CREB1: variants seen among roughly 807,000 people sequenced by gnomAD.
The protein encoded by CREB1 is cyclic AMP-responsive element-binding protein 1.
Under a neutral mutation model 42.0 loss-of-function variants are expected in CREB1, and 2 were observed. The observed-to-expected ratio is 0.05, with a 90% confidence interval of 0.02 to 0.15. CREB1 has a LOEUF of 0.15. Among genes scored for constraint, CREB1 ranks in the 10% least tolerant of loss-of-function variants. The pLI is 1.00. For missense variants in CREB1, 199 were observed against 388.9 expected (o/e 0.51, Z 4.11); for synonymous variants, 123 against 139.9 (o/e 0.88, Z 0.85).
intron 1 of CREB1, among the ~76,000 whole-genome samples, chr2:207,541,922 G>A (rs746767929): frequency 2.2e-4 from 33 of 152,222 alleles, no homozygotes; most frequent in Non-Finnish European, 1.6e-4. Context: ...CTTATTCTGG[G>A]ACATTGTGTA....
chr2:207,589,080 G>T (rs2106636407), intron 7 of CREB1, among the ~76,000 whole-genome samples: 1 of 152,134 alleles, frequency 6.6e-6, no homozygotes, highest in South Asian at 2.1e-4. Flanking sequence ...TGATCTTAGG[G>T]GGTGTATTAG....
At chr2:207,596,196 T>C (rs1042961786) in intron 7 of CREB1, among the ~76,000 whole-genome samples, 2 of 152,160 alleles carry the variant, frequency 1.3e-5, no homozygotes, top group African/African-American at 4.8e-5. Flanking sequence ...GATATCCAGG[T>C]TTCCCAGCAC....
chr2:207,603,361 T>C lies in CREB1; in HGVS notation c.*6303T>C, dbSNP rs192810631. The C allele has an allele frequency of 3.2e-4, 73 of 224,772 alleles. No homozygotes were observed. Among genetic ancestry groups the C allele is most frequent in the African/African-American group, 1.4e-3 (65 of 45,008 alleles). 13.9% of individuals were successfully genotyped at this position (224,772 alleles called of 1,614,324 possible). A position where few individuals can be genotyped will look rare whatever the true frequency, so the allele number is the denominator to read the frequency against. On this transcript the variant is annotated 3_prime_UTR_variant, in exon 8 of 8. Coordinates refer to ENST00000353267, the MANE Select transcript of CREB1 (RefSeq NM_004379.5). ...CTTTTTCTTACTGTAATCTTTGTGGTATCAACTGTCATAATGCTCTTTTTA... is the reference window on the plus strand; with the variant it reads ...CTTTTTCTTACTGTAATCTTTGTGGCATCAACTGTCATAATGCTCTTTTTA...
intron 7 of CREB1, among the ~76,000 whole-genome samples, chr2:207,590,791 G>A (rs2084891776): frequency 6.6e-6 from 1 of 151,956 alleles, no homozygotes. Flanking sequence ...AAACAAGCAG[G>A]GAAGCAAAGT....
intron 4 of CREB1, among the ~76,000 whole-genome samples, chr2:207,568,339 C>T (rs535436163): frequency 4.5e-4 from 69 of 152,006 alleles, no homozygotes; most frequent in African/African-American, 1.5e-3. Context: ...ATTTTGAGGT[C>T]TAAGAAATTT....
chr2:207,573,949 G>A (rs532006873), intron 5 of CREB1, among the ~76,000 whole-genome samples: 1 of 152,262 alleles, frequency 6.6e-6, no homozygotes, highest in African/African-American at 2.4e-5. Context: ...ATTCTTTCAA[G>A]TAATCATGCA....
At chr2:207,561,934 C>T (rs1435597987) in intron 3 of CREB1, among the ~76,000 whole-genome samples, 3 of 151,996 alleles carry the variant, frequency 2.0e-5, no homozygotes, top group Non-Finnish European at 2.9e-5. Context: ...TAAGTGGGAG[C>T]GTGGGGGAGG....
chr2:207,530,360 C>T (rs2080542255), intron 1 of CREB1, among the ~76,000 whole-genome samples: 1 of 149,740 alleles, frequency 6.7e-6, no homozygotes, highest in East Asian at 2.0e-4. Context: ...GCGACTCTGC[C>T]TGCAGCCAGC....
intron 7 of CREB1, among the ~76,000 whole-genome samples, chr2:207,579,854 C>A (rs1027358946): frequency 6.6e-6 from 1 of 152,068 alleles, no homozygotes; most frequent in African/African-American, 2.4e-5. Context: ...CTAGTATTTT[C>A]TTTCATTTAA....
intron 3 of CREB1, among the ~76,000 whole-genome samples, chr2:207,562,840 G>A (rs2082006277): frequency 6.6e-6 from 1 of 152,148 alleles, no homozygotes; most frequent in Admixed American, 6.6e-5. Context: ...CTTGTTGTGA[G>A]AATAGATTAT....
At chr2:207,537,098 A>T (rs1236238430) in intron 1 of CREB1, among the ~76,000 whole-genome samples, 2 of 151,908 alleles carry the variant, frequency 1.3e-5, no homozygotes, top group East Asian at 3.9e-4. Context: ...CTCTGTTGCC[A>T]GGCTGGAGTG....
chr2:207,594,523 T>C (rs1454841759), intron 7 of CREB1, among the ~76,000 whole-genome samples: 2 of 152,192 alleles, frequency 1.3e-5, no homozygotes, highest in African/African-American at 4.8e-5. Flanking sequence ...CCCTCAAGGT[T>C]CATCTACGTT....
At chr2:207,544,933 GT>G (rs1036857338) in intron 1 of CREB1, among the ~76,000 whole-genome samples, 1 of 152,200 alleles carries the variant, frequency 6.6e-6, no homozygotes, top group African/African-American at 2.4e-5. Flanking sequence ...ATTTCATGGT[GT>G]GTATGTACCA....
chr2:207,575,707 G>A (rs2082544910), intron 6 of CREB1, among the ~76,000 whole-genome samples: 1 of 152,020 alleles, frequency 6.6e-6, no homozygotes, highest in Non-Finnish European at 1.5e-5. Context: ...AGAAGAAACA[G>A]GATAGGTTAG....
chr2:207,545,208 A>T (rs943329897), intron 1 of CREB1, among the ~76,000 whole-genome samples: 28 of 152,098 alleles, frequency 1.8e-4, no homozygotes, highest in Middle Eastern at 3.4e-3. Context: ...AGGTTCTTTT[A>T]TTTTTGTTTT....
At chr2:207,581,767 T>G in intron 7 of CREB1, 1 of 681,742 alleles carries the variant, frequency 1.5e-6, no homozygotes, top group South Asian at 1.6e-5. Flanking sequence ...GAATTATACA[T>G]TTTATTTCCC....
chr2:207,569,558 A>C (rs972453159), intron 4 of CREB1, among the ~76,000 whole-genome samples: 1 of 151,562 alleles, frequency 6.6e-6, no homozygotes, highest in Non-Finnish European at 1.5e-5. Flanking sequence ...GACTTTGTGT[A>C]TGTGTTCTTT....
intron 1 of CREB1, among the ~76,000 whole-genome samples, chr2:207,532,714 C>T (rs532374954): frequency 6.6e-6 from 1 of 151,568 alleles, no homozygotes; most frequent in Non-Finnish European, 1.5e-5. Flanking sequence ...TAGTCTTGCC[C>T]GAGAGATATT....
chr2:207,584,650 C>T (rs767157602), intron 7 of CREB1, among the ~76,000 whole-genome samples: 1 of 152,194 alleles, frequency 6.6e-6, no homozygotes, highest in African/African-American at 2.4e-5. Context: ...GATCCACCCA[C>T]CTCGGCCTCC....
Sources: gnomAD v4.1 joint callset for allele counts (sites outside exome capture counted in the v4.1 genomes callset) on GRCh38, gnomAD v4.1.1 for gene constraint, MANE v1.5 for transcripts, NCBI Gene and HGNC (gene_info 2026-07-23, HGNC 2026-07-21) for gene names.